ZNF112: variants seen among roughly 807,000 people sequenced by gnomAD.
ZNF112 encodes the protein zinc finger protein 112, also known as zinc finger protein 112 (Y14).
A neutral mutation model predicts 77.7 loss-of-function variants in ZNF112; 37 were observed. The ratio of observed to expected loss-of-function variants is 0.48; its 90% CI spans 0.37 to 0.63. The LOEUF (loss-of-function observed/expected upper bound fraction) is 0.63. Among genes scored for constraint, ZNF112 ranks in the 20% least tolerant of loss-of-function variants. The probability of loss-of-function intolerance (pLI) is 0.00; values close to 1 mark genes in which losing one functional copy is unlikely to be tolerated. For synonymous variants in ZNF112, 333 were observed against 363.6 expected (o/e 0.92, Z 0.96); for missense variants, 950 against 1,077.4 (o/e 0.88, Z 1.66).
At chr19:44,335,641 G>A (rs532871971) in intron 3 of ZNF112, among the ~76,000 whole-genome samples, 2 of 152,228 alleles carry the variant, frequency 1.3e-5, no homozygotes, top group Admixed American at 1.3e-4. Context: ...GAAAAACAAA[G>A]ACTGTGACAA....
upstream of ZNF112, among the ~76,000 whole-genome samples, chr19:44,359,315 CTTTTTTTTT>C (rs767955186): frequency 3.8e-4 from 21 of 54,856 alleles, no homozygotes; most frequent in Admixed American, 1.2e-3. Context: ...TATTAGAGTT[CTTTTTTTTT>C]TTTTTTTTTT....
At chr19:44,359,047 AC>A (rs1333378258), upstream of ZNF112, among the ~76,000 whole-genome samples, 1 of 152,162 alleles carries the variant, frequency 6.6e-6, no homozygotes, top group African/African-American at 2.4e-5. Context: ...CTCTTTGTAA[AC>A]ATTATTAAAC....
At chr19:44,331,472 C>T (rs1970269722) in intron 3 of ZNF112, among the ~76,000 whole-genome samples, 1 of 152,130 alleles carries the variant, frequency 6.6e-6, no homozygotes, top group Admixed American at 6.6e-5. Flanking sequence ...CAAATATCCT[C>T]CCTAAGGACA....
chr19:44,362,978 AT>A (rs1568681640), intron 1 of ZNF112, among the ~76,000 whole-genome samples: 1 of 151,974 alleles, frequency 6.6e-6, no homozygotes, highest in South Asian at 2.1e-4. Context: ...ACTAAAAAAA[AT>A]TTTTTTTGAA....
At position 44,327,738 on chromosome 19, in the gene ZNF112, C is replaced by A; in HGVS notation, c.2419G>T (p.Gly807Cys). ...RPYKCEQCGK[G>C]FSGYSSLQAH... ...TGAAGACTTGAATACCCACTGAAAC[C>A]CTTACCACACTGTTCACATTTATAG... Residue 807 changes from glycine (G) to cysteine (C), a missense_variant, in exon 4 of 4, where the codon GGT becomes TGT. Coordinates refer to ENST00000354340, the MANE Select transcript of ZNF112 (RefSeq NM_013380.4). 1.2e-6 allele frequency: 2 copies of A among 1,613,442 alleles called. No individual in the cohort carries two copies. The highest frequency in any genetic ancestry group is 1.7e-6 in the Non-Finnish European group (2 of 1,179,836).
exon 1 of ZNF112, chr19:44,367,128 G>C (rs1020811403): frequency 2.6e-5 from 12 of 456,064 alleles, no homozygotes; most frequent in African/African-American, 2.4e-4. Flanking sequence ...TGCTCTTCTC[G>C]AAGACAAGGA....
Position 44,327,860 on chromosome 19 carries a change from G to T in ZNF112, c.2297C>A (p.Thr766Lys), listed in dbSNP as rs894531116. ...SRLEAHRRVH[T>K]GGKPYKCEVC... ...CTCACATTTGTATGGTTTCCCTCCT[G>T]TGTGAACCCTCCGATGTGCTTCAAG... is the stretch of plus-strand genomic sequence containing the variant. Residue 766 changes from threonine (T) to lysine (K), a missense_variant, in exon 4 of 4, where the codon ACA becomes AAA. Thr to Lys is a moderately conservative substitution (Grantham distance 78). Around this residue, in one of 3 missense-constraint regions of ZNF112, gnomAD observed 373 missense variants for 482.8 expected, o/e 0.77. Coordinates refer to ENST00000354340, the MANE Select transcript of ZNF112 (RefSeq NM_013380.4). The T allele has an allele frequency of 2.5e-6, 4 of 1,613,944 alleles. No individual in the cohort carries two copies. Among genetic ancestry groups the T allele is most frequent in the Non-Finnish European group, 3.4e-6 (4 of 1,179,910 alleles).
chr19:44,339,799 G>T (rs563312653), intron 2 of ZNF112, among the ~76,000 whole-genome samples: 1 of 152,192 alleles, frequency 6.6e-6, no homozygotes, highest in South Asian at 2.1e-4. Context: ...GGTATCAGAG[G>T]TGAGAGTGAA....
Position 44,328,577 on chromosome 19 carries a change from C to A in ZNF112, c.1580G>T (p.Gly527Val). Residue 527 changes from glycine to valine, a missense_variant, in exon 4 of 4, where the codon GGT becomes GTT. By Grantham distance (109) the Gly-to-Val change is moderately radical. This residue lies in a region of ZNF112 where 373 missense variants were observed against 482.8 expected (regional missense o/e 0.77). Transcript: ENST00000354340. ...KPYKCNICGK[G>V]FNHRSVLNVH... ...ATTCAGAACTGATCTATGATTGAAA[C>A]CTTTGCCGCATATATTGCATTTGTA... The A allele has an allele frequency of 1.2e-6, 2 of 1,611,706 alleles. No homozygotes were observed. The highest frequency in any genetic ancestry group is 1.7e-6 in the Non-Finnish European group (2 of 1,178,506).
At chr19:44,337,975 TTAA>T (rs1292247733) in intron 2 of ZNF112, among the ~76,000 whole-genome samples, 426 of 32,470 alleles carry the variant, frequency 0.013, 4 homozygotes, top group African/African-American at 0.025. Flanking sequence ...CATTCCCCAG[TTAA>T]AAAAAAAAAA....
At chr19:44,360,098 TACAAAAA>T (rs1183515639), upstream of ZNF112, among the ~76,000 whole-genome samples, 1 of 76,828 alleles carries the variant, frequency 1.3e-5, no homozygotes, top group Non-Finnish European at 3.4e-5. Context: ...CTACTAAAAA[TACAAAAA>T]AAAAGCCGGG....
upstream of ZNF112, among the ~76,000 whole-genome samples, chr19:44,358,555 A>G (rs1340031230): frequency 2.0e-5 from 3 of 152,224 alleles, no homozygotes; most frequent in Admixed American, 6.5e-5. Context: ...TGAAAAGCCT[A>G]GAAGCTCTGC....
At chr19:44,343,310 G>A in intron 1 of ZNF112, 4 of 1,596,906 alleles carry the variant, frequency 2.5e-6, no homozygotes, top group Middle Eastern at 1.7e-4. Context: ...GACCTGAGAA[G>A]GCAGAACAGG....
intron 3 of ZNF112, among the ~76,000 whole-genome samples, chr19:44,332,390 C>T (rs1406544508): frequency 4.6e-5 from 7 of 152,176 alleles, no homozygotes; most frequent in African/African-American, 1.7e-4. Context: ...ACTTTAAAAG[C>T]ACATTTACTG....
upstream of ZNF112, among the ~76,000 whole-genome samples, chr19:44,359,278 T>C (rs2356883): frequency 7.5e-3 from 1,134 of 151,492 alleles, 24 homozygotes; most frequent in African/African-American, 0.026. Flanking sequence ...GCAGTTGCTA[T>C]TTCCTGCAGT....
At chr19:44,360,645 A>G (rs1367637900), upstream of ZNF112, among the ~76,000 whole-genome samples, 2 of 120,308 alleles carry the variant, frequency 1.7e-5, no homozygotes, top group African/African-American at 6.2e-5. Context: ...TGAATTTTAT[A>G]TGCATGCTCA....
chr19:44,338,346 A>G (rs990527328), intron 2 of ZNF112, among the ~76,000 whole-genome samples: 2 of 152,214 alleles, frequency 1.3e-5, no homozygotes, highest in Non-Finnish European at 2.9e-5. Flanking sequence ...CAGATAAGGC[A>G]AGATCATCAG....
At position 44,327,141 on chromosome 19, in the gene ZNF112, A is replaced by G. The variant is rs1224319741; in HGVS notation, c.*292T>C. On this transcript the variant is annotated 3_prime_UTR_variant, in exon 4 of 4. Coordinates refer to ENST00000354340, the MANE Select transcript of ZNF112 (RefSeq NM_013380.4). ...AGCAATGAACAAAGTCCCTTCTTTC[A>G]CCAAGCTTACATTCTAGAGAACATG... 1 of 260,096 alleles carries G rather than the reference A, an allele frequency of 3.8e-6. No individual in the cohort carries two copies. The highest frequency in any genetic ancestry group is 7.3e-6 in the Non-Finnish European group (1 of 136,666). 16.1% of individuals were successfully genotyped at this position (260,096 alleles called of 1,614,324 possible).
At chr19:44,362,601 C>A (rs1271839656) in intron 1 of ZNF112, among the ~76,000 whole-genome samples, 2 of 151,410 alleles carry the variant, frequency 1.3e-5, no homozygotes, top group Non-Finnish European at 2.9e-5. Flanking sequence ...ATATTACAGG[C>A]CTTTGACAAC....
Sources: allele counts gnomAD v4.1 joint callset (sites outside exome capture counted in the v4.1 genomes callset), GRCh38; gene constraint gnomAD v4.1.1; regional missense constraint gnomAD v4.1.1; transcripts MANE v1.5; gene names NCBI Gene and HGNC (gene_info 2026-07-23, HGNC 2026-07-21).